TNS1: variants seen among roughly 807,000 people sequenced by gnomAD.
TNS1 encodes tensin 1.
TNS1 carries 62 observed loss-of-function variants against 168.6 expected under a neutral mutation model. The observed-to-expected ratio is 0.37, with a 90% CI of 0.30 to 0.45. TNS1 has a LOEUF of 0.45. Ranked by LOEUF, TNS1 falls within the 20% of genes least tolerant of loss-of-function variation. The pLI is 1.00. For missense variants in TNS1, 2,240 were observed against 2,339.4 expected (o/e 0.96, Z 0.88); for synonymous variants, 934 against 933.2 (o/e 1.00, Z -0.02).
chr2:217,886,158 G>T, intron 13 of TNS1, 54 bp from the exon 14 acceptor site: 1 of 1,580,304 alleles, frequency 6.3e-7, no homozygotes, highest in South Asian at 1.1e-5. Context: ...CAGGCAGGAG[G>T]GGCAGAGGAG....
intron 1 of TNS1, among the ~76,000 whole-genome samples, chr2:218,026,438 A>C (rs1019058523): frequency 6.6e-6 from 1 of 152,204 alleles, no homozygotes; most frequent in Non-Finnish European, 1.5e-5. Flanking sequence ...AGAGTGACAG[A>C]AGGAGAGAAA....
chr2:217,901,338 A>T (rs1952949987), intron 6 of TNS1, among the ~76,000 whole-genome samples: 1 of 152,238 alleles, frequency 6.6e-6, no homozygotes, highest in South Asian at 2.1e-4. Context: ...GCTGGCAGTG[A>T]GGATCCAAAG....
chr2:217,894,793 C>A (rs1439346727), intron 9 of TNS1, among the ~76,000 whole-genome samples: 2 of 152,200 alleles, frequency 1.3e-5, no homozygotes, highest in Non-Finnish European at 2.9e-5. Flanking sequence ...CCCCAGCAGG[C>A]AGACCTGGGT....
chr2:217,936,918 G>T (rs190575494), intron 3 of TNS1: 3 of 456,676 alleles, frequency 6.6e-6, no homozygotes, highest in Admixed American at 4.7e-5. Flanking sequence ...AGACACTAAG[G>T]CTCAGACCCA....
rs905593077 is a variant in TNS1, at chr2:217,814,766, C to T, written c.4729+146G>A. 9.6e-6 allele frequency: 6 copies of T among 625,942 alleles called. No individual in the cohort carries two copies. In the African/African-American group the frequency reaches 1.1e-4, roughly 11 times the overall value. 38.8% of individuals were successfully genotyped at this position (625,942 alleles called of 1,614,324 possible). A position where few individuals can be genotyped will look rare whatever the true frequency, so the allele number is the denominator to read the frequency against. ...CACACTTCACTGCAGGAAGTGCTTCCTACTGTCCAGCTTCAACCCCAGCCC... is the reference window on the plus strand; with the variant it reads ...CACACTTCACTGCAGGAAGTGCTTCTTACTGTCCAGCTTCAACCCCAGCCC... On this transcript the variant is annotated intron_variant, in intron 25 of 32. Coordinates refer to ENST00000682258, the MANE Select transcript of TNS1 (RefSeq NM_001387777.1).
chr2:217,826,388 A>G (rs1440029154), intron 22 of TNS1, among the ~76,000 whole-genome samples: 1 of 151,944 alleles, frequency 6.6e-6, no homozygotes, highest in South Asian at 2.1e-4. Context: ...CTCCCACCCC[A>G]GGACAATATA....
At chr2:217,881,201 T>C in intron 17 of TNS1, 187 bp from the exon 18 acceptor site, 1 of 582,310 alleles carries the variant, frequency 1.7e-6, no homozygotes, top group Non-Finnish European at 3.0e-6. Context: ...GGGAGTCTAG[T>C]TTCTCACATT....
At chr2:217,818,804 T>G in intron 23 of TNS1, 45 bp from the exon 24 acceptor site, 3 of 1,503,516 alleles carry the variant, frequency 2.0e-6, no homozygotes, top group African/African-American at 1.4e-5. Context: ...CAGAACTGAA[T>G]GAAGGGTGGA....
upstream of TNS1, among the ~76,000 whole-genome samples, chr2:218,013,183 G>T (rs1958724111): frequency 6.6e-6 from 1 of 151,914 alleles, no homozygotes; most frequent in African/African-American, 2.4e-5. Flanking sequence ...TTGAACCCAG[G>T]AGGCGGAGGT....
Position 217,900,447 on chromosome 2 carries a change from C to G in TNS1, c.371+16G>C, listed in dbSNP as rs12468962. 9,808 of 1,534,794 alleles carry G rather than the reference C, an allele frequency of 6.4e-3. 496 individuals are homozygous for G. In the African/African-American group the frequency reaches 0.11, roughly 18 times the overall value. ...TGCTTGCACTCCCGCCCCCTGCCCC[C>G]ACGGGCCAGGCATACCTGATGGGCT... is the stretch of plus-strand genomic sequence containing the variant. On this transcript the variant is annotated intron_variant, in intron 7 of 32. Coordinates refer to ENST00000682258, the MANE Select transcript of TNS1 (RefSeq NM_001387777.1).
Position 217,809,257 on chromosome 2 carries a change from A to G in TNS1, c.5273+566T>C, listed in dbSNP as rs1429481972. On this transcript the variant is annotated intron_variant, in intron 30 of 32. Coordinates refer to ENST00000682258, the MANE Select transcript of TNS1 (RefSeq NM_001387777.1). ...GATGGATGGATGGATGGATGCATGG[A>G]TGGATGGATGGATGGATGGATGCAT... 9.8e-4 allele frequency among the ~76,000 whole-genome samples: 71 copies of G among 72,158 alleles called. 1 individual carries two copies. The highest frequency in any genetic ancestry group is 3.0e-3 in the East Asian group (8 of 2,634). The allele number at this position is 72,158 out of a possible 152,430, so 47.3% of individuals were successfully genotyped here.
intron 3 of TNS1, among the ~76,000 whole-genome samples, chr2:217,942,765 C>T (rs1382605905): frequency 6.6e-6 from 1 of 152,064 alleles, no homozygotes; most frequent in Non-Finnish European, 1.5e-5. Flanking sequence ...TTCTCACCCC[C>T]ACAACCGCCT....
chr2:217,824,100 T>C (rs1943272702), intron 22 of TNS1, among the ~76,000 whole-genome samples: 1 of 152,174 alleles, frequency 6.6e-6, no homozygotes. Context: ...AACTCTGCTG[T>C]TGTGGTGTGA....
rs893047689 is a variant in TNS1 at position 217,893,099 on chromosome 2, G to A, written c.718-87C>T. Reference sequence around the variant, plus strand: ...TATCTAGAAGCCTTGGTGGAAAAGAGTCAGGGCTGGAGAGAGGGGTGTGGA... The same window carrying A: ...TATCTAGAAGCCTTGGTGGAAAAGAATCAGGGCTGGAGAGAGGGGTGTGGA... On this transcript the variant is annotated intron_variant, in intron 10 of 32. Coordinates refer to ENST00000682258, the MANE Select transcript of TNS1 (RefSeq NM_001387777.1). 13 of 1,527,452 alleles carry A rather than the reference G, an allele frequency of 8.5e-6. No homozygotes were observed. The African/African-American group carries it at 1.6e-4, about 19-fold the overall frequency. The allele number at this position is 1,527,452 out of a possible 1,614,324, so 94.6% of individuals were successfully genotyped here.
chr2:217,905,715 G>C (rs772847895), intron 6 of TNS1, among the ~76,000 whole-genome samples: 9 of 152,192 alleles, frequency 5.9e-5, no homozygotes, highest in Non-Finnish European at 1.2e-4. Flanking sequence ...GGGGTGTGGA[G>C]ACAAGACCAA....
chr2:217,968,249 T>C (rs1165810035), intron 3 of TNS1, among the ~76,000 whole-genome samples: 1 of 152,214 alleles, frequency 6.6e-6, no homozygotes, highest in Non-Finnish European at 1.5e-5. Flanking sequence ...CAACAATTTC[T>C]GCTCTTGCCA....
chr2:218,030,153 C>T (rs895232943), intron 1 of TNS1, among the ~76,000 whole-genome samples: 3 of 152,266 alleles, frequency 2.0e-5, no homozygotes, highest in African/African-American at 4.8e-5. Flanking sequence ...TCCATATACA[C>T]ACAGCATGTG....
At chr2:217,841,007 T>C (rs1047472257) in intron 19 of TNS1, among the ~76,000 whole-genome samples, 5 of 148,792 alleles carry the variant, frequency 3.4e-5, no homozygotes, top group Admixed American at 2.7e-4. Flanking sequence ...TAGTGAGAAA[T>C]GGGGAAGGAG....
chr2:217,909,034 G>T (rs73078339), intron 4 of TNS1, among the ~76,000 whole-genome samples: 2,857 of 151,910 alleles, frequency 0.019, 104 homozygotes, highest in African/African-American at 0.066. Flanking sequence ...ATTAGGACCA[G>T]GTGCTCCCCT....
Sources: allele counts gnomAD v4.1 joint callset (sites outside exome capture counted in the v4.1 genomes callset), GRCh38; gene constraint gnomAD v4.1.1; transcripts MANE v1.5; gene names NCBI Gene and HGNC (gene_info 2026-07-23, HGNC 2026-07-21).